The following SIGLEC7 variants were observed in gnomAD, a reference collection of about 807,000 sequenced individuals.
SIGLEC7 encodes the protein sialic acid-binding Ig-like lectin 7.
In SIGLEC7, 33 loss-of-function variants were observed where a neutral mutation model predicts 40.8. The observed-to-expected ratio is 0.81, with a 90% confidence interval of 0.61 to 1.08. The LOEUF is 1.08. SIGLEC7 is among the 50% of genes least tolerant of loss of function. The pLI is 0.00. For missense variants in SIGLEC7, 513 were observed against 576.1 expected, an observed-to-expected ratio of 0.89 and a Z score of 1.12; for synonymous variants, 242 against 237.6, an observed-to-expected ratio of 1.02 and a Z score of -0.17.
At chr19:51,146,195 T>C in intron 4 of SIGLEC7, 74 bp downstream of exon 4, 1 of 1,550,422 alleles carries the variant, frequency 6.4e-7, no homozygotes, top group Non-Finnish European at 8.8e-7. Context: ...CCCCTGAGCT[T>C]CAAGGGGGAG....
rs1476071802 is a variant in SIGLEC7 at position 51,145,055 on chromosome 19, T to C, written c.760+96T>C. ...TCATCCTGGACTCACCCTGGTGATA[T>C]GAGACTCCCTTGTAGTTGAACCCAG... On this transcript the variant is annotated intron_variant, in intron 3 of 6. Coordinates refer to ENST00000317643, the MANE Select transcript of SIGLEC7 (RefSeq NM_014385.4). The surrounding 1 kb of genome is among the most constrained non-coding windows in gnomAD (Gnocchi z 4.3). The C allele has an allele frequency of 8.2e-7, 1 of 1,226,302 alleles. No homozygotes were observed. The highest frequency in any genetic ancestry group is 1.9e-4 in the Middle Eastern group (1 of 5,252). The allele number at this position is 1,226,302 out of a possible 1,614,324, so 76.0% of individuals were successfully genotyped here. A position where few individuals can be genotyped will look rare whatever the true frequency, so the allele number is the denominator to read the frequency against.
In SIGLEC7 at chr19:51,144,488, G is replaced by A. The variant is rs767198744; in HGVS notation, c.516G>A (p.Trp172Ter). The A allele has an allele frequency of 6.2e-7, 1 of 1,613,756 alleles. No homozygotes were observed. Among genetic ancestry groups the A allele is most frequent in the Non-Finnish European group, 8.5e-7 (1 of 1,179,996 alleles). The change falls in exon 2 of 7, where the codon TGG becomes TGA. Residue 172 changes from tryptophan (W) to a stop codon, truncating the protein, a stop_gained. Coordinates refer to ENST00000317643, the MANE Select transcript of SIGLEC7 (RefSeq NM_014385.4). LOFTEE classifies it high-confidence loss of function. ...CFQNLTCSVP[W>*]ACEQGTPPMI... ...AGAATCTGACCTGCTCTGTGCCCTG[G>A]GCCTGTGAGCAGGGGACGCCCCCTA...
chr19:51,143,760 T>C, intron 1 of SIGLEC7: 2 of 257,664 alleles, frequency 7.8e-6, no homozygotes, highest in Non-Finnish European at 1.6e-5. Context: ...GAGATGCTGC[T>C]GCCTCTCTTG....
intron 6 of SIGLEC7, 28 bp from the exon 7 acceptor site, chr19:51,153,035 T>A (rs113259628): frequency 6.7e-7 from 1 of 1,499,228 alleles, no homozygotes; most frequent in African/African-American, 1.4e-5. Context: ...ACTGCTCTGC[T>A]CTGACTCTCT....
intron 6 of SIGLEC7, 76 bp from the exon 7 acceptor site, chr19:51,152,987 C>A: frequency 1.5e-6 from 2 of 1,293,370 alleles, no homozygotes; most frequent in South Asian, 2.3e-5. Context: ...ACCAACCGAT[C>A]AAACAACTTG....
At chr19:51,144,321 C>T in intron 1 of SIGLEC7, 85 bp from the exon 2 acceptor site, 1 of 1,518,386 alleles carries the variant, frequency 6.6e-7, no homozygotes, top group South Asian at 1.3e-5. Context: ...GGGCTCAGGG[C>T]AGAAGCTGAA....
In SIGLEC7 at chr19:51,146,021, A is replaced by G. The variant is rs751498682; in HGVS notation, c.927A>G (p.Gln309=). Residue 309 remains glutamine (Q), a synonymous_variant, in exon 4 of 7, where the codon CAA becomes CAG. Transcript: ENST00000317643. Reference sequence around the variant, plus strand: ...CAAACCCTCTGGTACTGGAGCTGCAAGTGCACCTGGGGGATGAAGGGGAAT... The same window carrying G: ...CAAACCCTCTGGTACTGGAGCTGCAGGTGCACCTGGGGGATGAAGGGGAAT... ...QPSNPLVLEL[Q]VHLGDEGEFT... 3.1e-6 allele frequency: 5 copies of G among 1,614,192 alleles called. No individual in the cohort carries two copies. In the East Asian group the frequency reaches 6.7e-5, roughly 22 times the overall value.
chr19:51,148,416 C>G (rs1447307341), intron 6 of SIGLEC7, among the ~76,000 whole-genome samples: 1 of 152,140 alleles, frequency 6.6e-6, no homozygotes, highest in Non-Finnish European at 1.5e-5. Flanking sequence ...TTAGCTCTCA[C>G]TGATAAGTGA....
chr19:51,148,764 A>C lies in SIGLEC7; in HGVS notation c.1221+1447A>C, dbSNP rs547186550. Among the ~76,000 whole-genome samples, 179 of 152,314 alleles carry C rather than the reference A, an allele frequency of 1.2e-3. 3 individuals are homozygous for C. Among genetic ancestry groups the C allele is most frequent in the African/African-American group, 4.1e-3 (172 of 41,560 alleles). Reference sequence around the variant, plus strand: ...TTTTAGCTCTTCAGGAAATTACCATACTGCTTTCCACAGTGGTTGAACTAA... The same window carrying C: ...TTTTAGCTCTTCAGGAAATTACCATCCTGCTTTCCACAGTGGTTGAACTAA... On this transcript the variant is annotated intron_variant, in intron 6 of 6. Coordinates refer to ENST00000317643, the MANE Select transcript of SIGLEC7 (RefSeq NM_014385.4).
Position 51,147,256 on chromosome 19 carries a change from C to G in SIGLEC7, c.1160C>G (p.Ala387Gly), listed in dbSNP as rs1419649777. The change falls in exon 6 of 7, where the codon GCA becomes GGA. Residue 387 changes from alanine (A) to glycine (G), a missense_variant. Physicochemically the swap from Ala to Gly is moderately conservative, Grantham distance 60. Coordinates refer to ENST00000317643, the MANE Select transcript of SIGLEC7 (RefSeq NM_014385.4). The stretch of plus-strand genomic sequence containing the variant: ...TGCAGGAAGAAATCGGCAAGGCCAG[C>G]AGCGGACGTGGGAGACATAGGCATG... ...RSCRKKSARP[A>G]ADVGDIGMKD... 1 of 1,612,598 alleles carries G rather than the reference C, an allele frequency of 6.2e-7. No homozygotes were observed. The highest frequency in any genetic ancestry group is 1.7e-5 in the Admixed American group (1 of 59,972).
At position 51,146,789 on chromosome 19, in the gene SIGLEC7, G is replaced by A; in HGVS notation, c.1063G>A (p.Ala355Thr). 1 of 1,613,898 alleles carries A rather than the reference G, an allele frequency of 6.2e-7. No homozygotes were observed. Among genetic ancestry groups the A allele is most frequent in the Non-Finnish European group, 8.5e-7 (1 of 1,179,912 alleles). Reference protein sequence around the residue: ...MRPVSGVLLGAVGGAGATALV... With the variant: ...MRPVSGVLLGTVGGAGATALV... ...GCCTGTATCAGGAGTGTTGCTGGGGGCGGTCGGGGGAGCTGGAGCCACAGC... is the reference window on the plus strand; with the variant it reads ...GCCTGTATCAGGAGTGTTGCTGGGGACGGTCGGGGGAGCTGGAGCCACAGC... The change falls in exon 5 of 7, where the codon GCG (alanine) becomes ACG (threonine). Residue 355 changes from alanine to threonine, a missense_variant. By Grantham distance (58) the Ala-to-Thr change is moderately conservative (BLOSUM62 0). Coordinates refer to ENST00000317643, the MANE Select transcript of SIGLEC7 (RefSeq NM_014385.4).
intron 5 of SIGLEC7, 23 bp downstream of exon 5, chr19:51,146,873 G>C (rs369301231): frequency 5.0e-6 from 8 of 1,605,348 alleles, no homozygotes; most frequent in Middle Eastern, 3.3e-4. Context: ...CCTAGGGAGG[G>C]AGGGAGAGTC....
At chr19:51,144,772 G>A (rs993558597) in intron 2 of SIGLEC7, 88 bp downstream of exon 2, 9 of 1,580,432 alleles carry the variant, frequency 5.7e-6, no homozygotes, top group Middle Eastern at 1.8e-4. Context: ...GACACTGGGT[G>A]CTGGGTCCCA....
At chr19:51,150,929 G>C (rs1275077485) in intron 6 of SIGLEC7, among the ~76,000 whole-genome samples, 2 of 152,216 alleles carry the variant, frequency 1.3e-5, no homozygotes, top group Non-Finnish European at 2.9e-5. Flanking sequence ...CATTTGGAGA[G>C]TTTTGAGCAG....
chr19:51,146,817 T>C lies in SIGLEC7; in HGVS notation c.1091T>C (p.Leu364Pro), dbSNP rs2092111541. 1 of 1,614,058 alleles carries C rather than the reference T, an allele frequency of 6.2e-7. No individual in the cohort carries two copies. The highest frequency in any genetic ancestry group is 1.3e-5 in the African/African-American group (1 of 75,026). The part of the protein sequence containing the change: ...GAVGGAGATA[L>P]VFLSFCVIFI... ...GTCGGGGGAGCTGGAGCCACAGCCC[T>C]GGTCTTCCTCTCCTTCTGTGTCATC... The change falls in exon 5 of 7, where the codon CTG becomes CCG. Residue 364 changes from leucine to proline, a missense_variant. By Grantham distance (98) the Leu-to-Pro change is moderately conservative. Transcript: ENST00000317643.
Position 51,144,104 on chromosome 19 carries a change from G to C in SIGLEC7, c.434-302G>C. ...CAACAACTGCTCCCTGAGCATCAGA[G>C]ATGCCAGGAAGGGGGATTTGAGGAA... On this transcript the variant is annotated intron_variant, in intron 1 of 6. Transcript: ENST00000317643. 4.5e-6 allele frequency: 3 copies of C among 672,892 alleles called. No homozygotes were observed. In the East Asian group the frequency reaches 9.7e-5, roughly 22 times the overall value. The allele number at this position is 672,892 out of a possible 1,614,324, so 41.7% of individuals were successfully genotyped here. A position where few individuals can be genotyped will look rare whatever the true frequency, so the allele number is the denominator to read the frequency against.
In SIGLEC7 at chr19:51,142,759, A is replaced by G; in HGVS notation, c.390A>G (p.Ile130Met). The G allele has an allele frequency of 6.2e-7, 1 of 1,611,572 alleles. No individual in the cohort carries two copies. The highest frequency in any genetic ancestry group is 1.1e-5 in the South Asian group (1 of 90,830). ...TCTTTCGTATGGAGAAAGGAAATAT[A>G]AAATGGAATTATAAATATGACCAGC... is the stretch of plus-strand genomic sequence containing the variant. ...RYFFRMEKGN[I>M]KWNYKYDQLS... Residue 130 changes from isoleucine (I) to methionine (M), a missense_variant, in exon 1 of 7, where the codon ATA (isoleucine) becomes ATG (methionine). Transcript: ENST00000317643. The surrounding 1 kb of genome is among the most constrained non-coding windows in gnomAD (Gnocchi z 5.0).
rs150947377 is a variant in SIGLEC7, at chr19:51,143,438, C to T, written c.433+636C>T. On this transcript the variant is annotated intron_variant, in intron 1 of 6. Transcript: ENST00000317643. ...GGGACCTCCACGATGGTCCAGAGGC[C>T]GGGAGGGCAGGACCTACGTGTCTGG... Among the ~76,000 whole-genome samples, 781 of 152,182 alleles carry T rather than the reference C, an allele frequency of 5.1e-3. 6 individuals carry two copies. Among genetic ancestry groups the T allele is most frequent in the African/African-American group, 0.016 (659 of 41,506 alleles).
intron 6 of SIGLEC7, among the ~76,000 whole-genome samples, chr19:51,149,827 C>T (rs1253235717): frequency 2.0e-5 from 3 of 152,058 alleles, no homozygotes; most frequent in African/African-American, 4.8e-5. Context: ...TTTATTTGAG[C>T]AGTGTTTTGT....
Sources: allele counts gnomAD v4.1 joint callset (sites outside exome capture counted in the v4.1 genomes callset), GRCh38; gene constraint gnomAD v4.1.1; non-coding constraint Gnocchi (gnomAD v3.1); transcripts MANE v1.5; gene names NCBI Gene and HGNC (gene_info 2026-07-23, HGNC 2026-07-21).